Variants in RRAS2 observed in about 807,000 individuals in gnomAD.
The protein encoded by RRAS2 is ras-related protein R-Ras2.
Under a neutral mutation model 27.6 loss-of-function variants are expected in RRAS2, and 7 were observed. That is an observed-to-expected ratio of 0.25 (90% CI 0.14 to 0.48). RRAS2 has a LOEUF of 0.48. Among genes scored for constraint, RRAS2 ranks in the 20% least tolerant of loss-of-function variants. RRAS2 has a pLI of 0.99. For synonymous variants in RRAS2, 86 were observed against 90.9 expected (o/e 0.95, Z 0.31); for missense variants, 178 against 256.2 (o/e 0.69, Z 2.08).
intron 1 of RRAS2, among the ~76,000 whole-genome samples, chr11:14,315,206 T>C (rs1324939589): frequency 3.9e-5 from 6 of 152,172 alleles, no homozygotes; most frequent in Non-Finnish European, 5.9e-5. Flanking sequence ...AGCAACTTCA[T>C]AGTAGAGAAA....
chr11:14,362,454 C>T (rs939908667), upstream of RRAS2, among the ~76,000 whole-genome samples: 1 of 146,312 alleles, frequency 6.8e-6, no homozygotes, highest in Non-Finnish European at 1.5e-5. Flanking sequence ...AGAAAATACC[C>T]CCAAAAGCAT....
intron 1 of RRAS2, among the ~76,000 whole-genome samples, chr11:14,332,065 C>T (rs1450497396): frequency 6.6e-6 from 1 of 152,170 alleles, no homozygotes; most frequent in African/African-American, 2.4e-5. Flanking sequence ...AATTTCCATA[C>T]CCAGTTGCTG....
At chr11:14,321,175 T>C (rs1232810108) in intron 1 of RRAS2, among the ~76,000 whole-genome samples, 1 of 148,104 alleles carries the variant, frequency 6.8e-6, no homozygotes, top group African/African-American at 2.5e-5. Context: ...CAAGACTCCA[T>C]CTCAAAAAAA....
At chr11:14,354,649 CAAAT>C (rs1312237028) in intron 1 of RRAS2, 1 of 143,108 alleles carries the variant, frequency 7.0e-6, no homozygotes. Context: ...CTAACAGCAG[CAAAT>C]AAAACCAAGT....
upstream of RRAS2, among the ~76,000 whole-genome samples, chr11:14,361,443 C>A (rs545173180): frequency 1.3e-4 from 19 of 151,976 alleles, no homozygotes; most frequent in Admixed American, 1.2e-3. Flanking sequence ...GCAGGAGGAT[C>A]GCTGGAACCT....
chr11:14,311,863 A>G (rs749506626), intron 1 of RRAS2, among the ~76,000 whole-genome samples: 5 of 151,802 alleles, frequency 3.3e-5, no homozygotes, highest in Non-Finnish European at 7.4e-5. Flanking sequence ...GTTACTGTGA[A>G]AAACTTTTTT....
intron 1 of RRAS2, among the ~76,000 whole-genome samples, chr11:14,334,531 T>TATAC (rs2134014774): frequency 7.0e-6 from 1 of 143,862 alleles, no homozygotes; most frequent in African/African-American, 2.5e-5. Context: ...CATCCATACA[T>TATAC]ACACACACAC....
chr11:14,342,565 T>C (rs1202983744), intron 1 of RRAS2, among the ~76,000 whole-genome samples: 1 of 152,072 alleles, frequency 6.6e-6, no homozygotes, highest in African/African-American at 2.4e-5. Context: ...TATAGGAAAA[T>C]GAAGTCCAAC....
At chr11:14,315,440 T>C (rs1347361112) in intron 1 of RRAS2, among the ~76,000 whole-genome samples, 1 of 152,148 alleles carries the variant, frequency 6.6e-6, no homozygotes, top group African/African-American at 2.4e-5. Flanking sequence ...TTCAAAATAG[T>C]TGGGTCATCA....
chr11:14,349,302 C>G (rs1241215548), intron 1 of RRAS2, among the ~76,000 whole-genome samples: 1 of 151,884 alleles, frequency 6.6e-6, no homozygotes, highest in African/African-American at 2.4e-5. Context: ...TAGGCACCCG[C>G]CACCACACCC....
At chr11:14,347,478 G>A (rs1440142613) in intron 1 of RRAS2, among the ~76,000 whole-genome samples, 6 of 152,070 alleles carry the variant, frequency 3.9e-5, no homozygotes, top group African/African-American at 1.4e-4. Context: ...CTGTAACTGG[G>A]AATAAGACAC....
At chr11:14,341,071 G>C (rs17565604) in intron 1 of RRAS2, among the ~76,000 whole-genome samples, 2,772 of 152,096 alleles carry the variant, frequency 0.018, 39 homozygotes, top group Middle Eastern at 0.027. Context: ...CCTGTCATAC[G>C]CAAAGCCACC....
At chr11:14,291,481 C>A (rs1554945789) in intron 4 of RRAS2, among the ~76,000 whole-genome samples, 1 of 152,100 alleles carries the variant, frequency 6.6e-6, no homozygotes, top group Non-Finnish European at 1.5e-5. Flanking sequence ...CAGGCACTTG[C>A]TTTTCTCCCT....
At chr11:14,356,179 G>A (rs1849068714) in intron 1 of RRAS2, among the ~76,000 whole-genome samples, 2 of 152,138 alleles carry the variant, frequency 1.3e-5, no homozygotes, top group South Asian at 4.2e-4. Flanking sequence ...ACTGCATCCA[G>A]GTGGTCGGGT....
chr11:14,364,296 G>T, intron 1 of RRAS2: 1 of 1,218,962 alleles, frequency 8.2e-7, no homozygotes, highest in Non-Finnish European at 1.2e-6. Flanking sequence ...CTAGAATCAA[G>T]ATTCCTCTAA....
At chr11:14,360,128 T>C (rs782365541), upstream of RRAS2, among the ~76,000 whole-genome samples, 2 of 151,372 alleles carry the variant, frequency 1.3e-5, no homozygotes, top group South Asian at 2.1e-4. Flanking sequence ...AAGACTGCCA[T>C]GCTAAAGAGG....
upstream of RRAS2, among the ~76,000 whole-genome samples, chr11:14,360,765 A>G (rs1849180999): frequency 6.6e-6 from 1 of 151,720 alleles, no homozygotes; most frequent in African/African-American, 2.4e-5. Flanking sequence ...TACTAAAAAT[A>G]CAAAAATTAG....
At chr11:14,287,634 G>A (rs1267897319) in intron 4 of RRAS2, among the ~76,000 whole-genome samples, 1 of 152,088 alleles carries the variant, frequency 6.6e-6, no homozygotes, top group Non-Finnish European at 1.5e-5. Context: ...CACTTTGGGA[G>A]GCCGAGGTGG....
chr11:14,327,788 C>A (rs1343662014), intron 1 of RRAS2, among the ~76,000 whole-genome samples: 2 of 150,012 alleles, frequency 1.3e-5, no homozygotes, highest in African/African-American at 4.9e-5. Context: ...TTCATATATA[C>A]TTCTCACCTG....
Sources: gnomAD v4.1 joint callset for allele counts (sites outside exome capture counted in the v4.1 genomes callset) on GRCh38, gnomAD v4.1.1 for gene constraint, MANE v1.5 for transcripts, NCBI Gene and HGNC (gene_info 2026-07-23, HGNC 2026-07-21) for gene names.